CPEB3: variants seen among roughly 807,000 people sequenced by gnomAD.
CPEB3 encodes cytoplasmic polyadenylation element-binding protein 3.
CPEB3 carries 20 observed loss-of-function variants against 67.2 expected under a neutral mutation model. That is an observed-to-expected ratio of 0.30 (90% confidence interval 0.21 to 0.43). CPEB3 has a LOEUF of 0.43. CPEB3 is among the 20% of genes least tolerant of loss of function. CPEB3 has a pLI of 1.00. For synonymous variants in CPEB3, 376 were observed against 393.1 expected, an observed-to-expected ratio of 0.96 and a Z score of 0.51; for missense variants, 746 against 968.6, an observed-to-expected ratio of 0.77 and a Z score of 3.05.
intron 2 of CPEB3, among the ~76,000 whole-genome samples, chr10:92,221,239 T>C (rs879320048): frequency 6.6e-6 from 1 of 152,216 alleles, no homozygotes; most frequent in African/African-American, 2.4e-5. Flanking sequence ...GTGCCTGTAA[T>C]CCCAGCATTT....
intron 9 of CPEB3, among the ~76,000 whole-genome samples, chr10:92,076,790 AAAG>A (rs930295854): frequency 6.6e-6 from 1 of 151,806 alleles, no homozygotes; most frequent in South Asian, 2.1e-4. Flanking sequence ...GAAGGAAGAA[AAAG>A]AAGGAGAAAG....
chr10:92,239,195 A>G lies in CPEB3; in HGVS notation c.1005+151T>C. The G allele has an allele frequency of 5.2e-6, 4 of 765,798 alleles. No individual in the cohort carries two copies. Among genetic ancestry groups the G allele is most frequent in the Non-Finnish European group, 8.3e-6 (4 of 480,848 alleles). The allele number at this position is 765,798 out of a possible 1,614,324, so 47.4% of individuals were successfully genotyped here. A position where few individuals can be genotyped will look rare whatever the true frequency, so the allele number is the denominator to read the frequency against. On this transcript the variant is annotated intron_variant, in intron 2 of 9. Transcript: ENST00000265997. This position sits in a 1 kb window ranked among gnomAD's most constrained non-coding sequence, Gnocchi z 6.0. ...CAACCTCATCCTCTGATAATGGAACAGCCCTAAAGAACTGGAGGCTTCGGA... is the reference window on the plus strand; with the variant it reads ...CAACCTCATCCTCTGATAATGGAACGGCCCTAAAGAACTGGAGGCTTCGGA...
chr10:92,239,655 T>TGCGGCA lies in CPEB3; in HGVS notation c.690_695dup (p.Ala234_Ala235dup). The stretch of plus-strand genomic sequence containing the variant: ...TGGACGAGGCCGACGAGGCGGCGGC[T>TGCGGCA]GCGGCAGCAGCGGCTGCAACCGCCG... On this transcript the variant is annotated inframe_insertion, in exon 2 of 10. Transcript: ENST00000265997. The surrounding 1 kb of genome is among the most constrained non-coding windows in gnomAD (Gnocchi z 6.0). 3 of 1,562,478 alleles carry TGCGGCA rather than the reference T, an allele frequency of 1.9e-6. No individual in the cohort carries two copies. Among genetic ancestry groups the TGCGGCA allele is most frequent in the Non-Finnish European group, 2.6e-6 (3 of 1,154,824 alleles).
intron 1 of CPEB3, among the ~76,000 whole-genome samples, chr10:92,280,569 T>C (rs1842232062): frequency 7.0e-6 from 1 of 143,818 alleles, no homozygotes; most frequent in Non-Finnish European, 1.5e-5. Context: ...AAAAAGTATA[T>C]AAATTAGCCA....
At chr10:92,230,042 G>A (rs1193936032) in intron 2 of CPEB3, among the ~76,000 whole-genome samples, 8 of 149,714 alleles carry the variant, frequency 5.3e-5, no homozygotes, top group Non-Finnish European at 8.9e-5. Flanking sequence ...GCGAAACTCC[G>A]TCTAAAAAAA....
At chr10:92,159,444 G>A (rs1305232694) in intron 4 of CPEB3, among the ~76,000 whole-genome samples, 1 of 151,886 alleles carries the variant, frequency 6.6e-6, no homozygotes, top group Non-Finnish European at 1.5e-5. Context: ...GGCCAAGGTG[G>A]GCAGATCATC....
At chr10:92,065,682 T>G (rs930185104) in intron 9 of CPEB3, among the ~76,000 whole-genome samples, 20 of 152,300 alleles carry the variant, frequency 1.3e-4, no homozygotes, top group African/African-American at 3.4e-4. Flanking sequence ...AAATTACATT[T>G]AAACTACAAT....
chr10:92,105,492 C>T (rs1041569840), intron 7 of CPEB3, among the ~76,000 whole-genome samples: 1 of 152,110 alleles, frequency 6.6e-6, no homozygotes, highest in Non-Finnish European at 1.5e-5. Flanking sequence ...TACTTCCACC[C>T]TTCTCTTGGC....
intron 4 of CPEB3, among the ~76,000 whole-genome samples, chr10:92,170,118 T>C (rs930614844): frequency 1.3e-5 from 2 of 152,150 alleles, no homozygotes; most frequent in African/African-American, 4.8e-5. Context: ...ATCTAGTCTC[T>C]TCTACTCCCT....
intron 8 of CPEB3, among the ~76,000 whole-genome samples, chr10:92,088,502 G>GCCTTTTTTCTTTAAGAGGTGC (rs1324348930): frequency 6.6e-6 from 1 of 151,954 alleles, no homozygotes; most frequent in Non-Finnish European, 1.5e-5. Context: ...GGACAATACT[G>GCCTTTTTTCTTTAAGAGGTGC]CTTAAAATAG....
At chr10:92,221,653 G>A (rs1036046263) in intron 2 of CPEB3, among the ~76,000 whole-genome samples, 2 of 152,098 alleles carry the variant, frequency 1.3e-5, no homozygotes, top group African/African-American at 2.4e-5. Context: ...TGGGGCCTTC[G>A]AGGAAGTAAT....
At chr10:92,237,477 T>C (rs1851596121) in intron 2 of CPEB3, among the ~76,000 whole-genome samples, 1 of 152,206 alleles carries the variant, frequency 6.6e-6, no homozygotes, top group South Asian at 2.1e-4. Context: ...GCAATCCCTA[T>C]ACTCCTCGTC....
intron 8 of CPEB3, among the ~76,000 whole-genome samples, chr10:92,085,711 C>A (rs1309861351): frequency 2.6e-5 from 4 of 152,076 alleles, no homozygotes; most frequent in Non-Finnish European, 5.9e-5. Context: ...AGGGTTCAAG[C>A]GATTCTCCTG....
chr10:92,207,886 A>G lies in CPEB3; in HGVS notation c.1006-15250T>C, dbSNP rs191411799. On this transcript the variant is annotated intron_variant, in intron 2 of 9. Transcript: ENST00000265997. ...CTCTGTCTCAAAACAAACAACAACA[A>G]AAAAACATGTTAAGTGCTTAAAACA... Among the ~76,000 whole-genome samples the G allele has an allele frequency of 4.6e-3, 700 of 152,314 alleles. 8 individuals are homozygous for G. Among genetic ancestry groups the G allele is most frequent in the Middle Eastern group, 0.031 (9 of 294 alleles).
At chr10:92,191,890 T>C (rs763144211) in intron 3 of CPEB3, among the ~76,000 whole-genome samples, 5 of 152,194 alleles carry the variant, frequency 3.3e-5, no homozygotes, top group Non-Finnish European at 7.4e-5. Context: ...AGTCCTAATA[T>C]TGCTAACTTT....
intron 2 of CPEB3, among the ~76,000 whole-genome samples, chr10:92,228,718 A>ATTT (rs59272265): frequency 1.4e-5 from 2 of 144,214 alleles, no homozygotes; most frequent in African/African-American, 5.1e-5. Flanking sequence ...ATATATATAC[A>ATTT]TTTTTTTTTT....
At position 92,081,404 on chromosome 10, in the gene CPEB3, G is replaced by A. The variant is rs778665459; in HGVS notation, c.1785C>T (p.Arg595=). ...AACTCTGCTGATTGGAGAATGCCAC[G>A]CGGCCAGCACCTTTGGGGTACTTCA... ...PELKYPKGAG[R]VAFSNQQSYI... The change falls in exon 9 of 10, where the codon CGC becomes CGT. Residue 595 remains arginine (R), a synonymous_variant. Transcript: ENST00000265997. 2 of 1,614,076 alleles carry A rather than the reference G, an allele frequency of 1.2e-6. No homozygotes were observed. Among genetic ancestry groups the A allele is most frequent in the South Asian group, 1.1e-5 (1 of 91,082 alleles).
intron 4 of CPEB3, among the ~76,000 whole-genome samples, chr10:92,161,282 T>C (rs946179752): frequency 6.6e-6 from 1 of 151,928 alleles, no homozygotes; most frequent in Non-Finnish European, 1.5e-5. Context: ...TGGTTTGGCT[T>C]TTTTTTGAGA....
chr10:92,187,769 G>A (rs1289999459), intron 3 of CPEB3, among the ~76,000 whole-genome samples: 2 of 152,078 alleles, frequency 1.3e-5, no homozygotes, highest in Non-Finnish European at 2.9e-5. Context: ...CTCTCAACAC[G>A]ATTAATCCCC....
Sources: gnomAD v4.1 joint callset for allele counts (sites outside exome capture counted in the v4.1 genomes callset) on GRCh38, gnomAD v4.1.1 for gene constraint, Gnocchi (gnomAD v3.1) non-coding constraint, MANE v1.5 for transcripts, NCBI Gene and HGNC (gene_info 2026-07-23, HGNC 2026-07-21) for gene names.